The following NPC1 variants were observed in gnomAD, a reference collection of about 807,000 sequenced individuals.
NPC1 encodes Niemann-Pick C1 protein.
Under a neutral mutation model 140.4 loss-of-function variants are expected in NPC1, and 85 were observed. The observed-to-expected ratio is 0.61, with a 90% CI of 0.51 to 0.72. The LOEUF (loss-of-function observed/expected upper bound fraction) is 0.72, where lower values mean the gene tolerates loss of function less well. Ranked by LOEUF, NPC1 falls within the 30% of genes least tolerant of loss-of-function variation. The pLI is 0.00. For missense variants in NPC1, 1,504 were observed against 1,623.8 expected (o/e 0.93, Z 1.27); for synonymous variants, 656 against 624.8 (o/e 1.05, Z -0.74).
chr18:23,529,054 A>C, downstream of NPC1: 1 of 1,447,292 alleles, frequency 6.9e-7, no homozygotes. Context: ...GTATCTAAGT[A>C]GAGAAAGTGT....
downstream of NPC1, chr18:23,529,773 C>A: frequency 6.7e-7 from 1 of 1,491,628 alleles, no homozygotes; most frequent in South Asian, 1.1e-5. Flanking sequence ...AAAACACAGT[C>A]ACTGTCTTAG....
Position 23,540,467 on chromosome 18 carries a change from T to A in NPC1, c.2585A>T (p.Gln862Leu). ...VLNKVDIGLD[Q>L]SLSMPDDSYM... ...TCTTACATCTGGCATCGAAAGAGAC[T>A]GATCCAATCCAATATCTACTTTGTT... Residue 862 changes from glutamine (Q) to leucine (L), a missense_variant, in exon 17 of 25, where the codon CAG becomes CTG. Gln to Leu is a moderately radical substitution (Grantham distance 113). Coordinates refer to ENST00000269228, the MANE Select transcript of NPC1 (RefSeq NM_000271.5). The A allele has an allele frequency of 1.2e-6, 2 of 1,606,766 alleles. No individual in the cohort carries two copies. The highest frequency in any genetic ancestry group is 1.1e-5 in the South Asian group (1 of 90,852).
chr18:23,524,268 A>AAC, intron 1 of NPC1: 1 of 1,540,730 alleles, frequency 6.5e-7, no homozygotes, highest in Non-Finnish European at 8.9e-7. Flanking sequence ...AGCTGTGAAT[A>AAC]ACACTCCGAG....
At chr18:23,561,652 C>T in intron 4 of NPC1, 125 bp from the exon 5 acceptor site, 1 of 935,442 alleles carries the variant, frequency 1.1e-6, no homozygotes, top group Non-Finnish European at 1.7e-6. Context: ...GAATGCTGGA[C>T]AGCAAACACT....
At chr18:23,557,089 C>T in intron 7 of NPC1, 28 bp downstream of exon 7, 1 of 1,563,460 alleles carries the variant, frequency 6.4e-7, no homozygotes, top group Non-Finnish European at 8.8e-7. Flanking sequence ...TCATCTGAAC[C>T]CTTTTATTCA....
intron 10 of NPC1, among the ~76,000 whole-genome samples, chr18:23,548,592 A>C (rs2058822870): frequency 6.6e-6 from 1 of 152,088 alleles, no homozygotes; most frequent in Admixed American, 6.6e-5. Flanking sequence ...ACATTTTAAA[A>C]TTTTGTATCT....
intron 1 of NPC1, chr18:23,524,261 T>C (rs2058229042): frequency 1.3e-5 from 20 of 1,550,410 alleles, no homozygotes; most frequent in Non-Finnish European, 1.8e-5. Flanking sequence ...TCCGGGCAGC[T>C]GTGAATAACA....
chr18:23,542,743 T>C (rs574706481), intron 14 of NPC1, among the ~76,000 whole-genome samples: 1 of 152,328 alleles, frequency 6.6e-6, no homozygotes, highest in East Asian at 1.9e-4. Context: ...GGCAAACATC[T>C]TGTAAGCGAG....
chr18:23,519,211 G>A (rs994598278), downstream of NPC1: 6 of 1,579,210 alleles, frequency 3.8e-6, no homozygotes, highest in Non-Finnish European at 5.2e-6. Flanking sequence ...AGTTAAGGTT[G>A]CTTAAAAGCC....
chr18:23,548,782 C>CT (rs1397702645), intron 10 of NPC1, among the ~76,000 whole-genome samples: 2 of 151,772 alleles, frequency 1.3e-5, no homozygotes, highest in East Asian at 1.9e-4. Flanking sequence ...AATCTTTTTT[C>CT]TTTTTTTGGG....
downstream of NPC1, chr18:23,529,833 G>A: frequency 8.9e-7 from 1 of 1,119,164 alleles, no homozygotes; most frequent in Non-Finnish European, 1.3e-6. Context: ...TCAGAATGCT[G>A]AGTGACTCCT....
chr18:23,559,360 T>G (rs991103674), intron 6 of NPC1, among the ~76,000 whole-genome samples: 5 of 152,190 alleles, frequency 3.3e-5, no homozygotes, highest in Non-Finnish European at 7.3e-5. Context: ...TGCAACTTTT[T>G]GGTTAAGTCT....
At chr18:23,584,974 G>A (rs1186965812) in intron 1 of NPC1, among the ~76,000 whole-genome samples, 5 of 152,182 alleles carry the variant, frequency 3.3e-5, no homozygotes, top group African/African-American at 7.2e-5. Context: ...TTGAGGCCAG[G>A]AGTTCCAGGC....
At chr18:23,557,062 TC>T in intron 7 of NPC1, 54 bp downstream of exon 7, 1 of 1,429,286 alleles carries the variant, frequency 7.0e-7, no homozygotes, top group Non-Finnish European at 9.9e-7. Context: ...AAACGAATGC[TC>T]TCATGACAGA....
chr18:23,537,223 C>G (rs543572425), intron 20 of NPC1, among the ~76,000 whole-genome samples: 2 of 152,312 alleles, frequency 1.3e-5, no homozygotes, highest in South Asian at 4.1e-4. Flanking sequence ...GCACCTGCCA[C>G]CACGCTCAAC....
intron 20 of NPC1, among the ~76,000 whole-genome samples, chr18:23,538,311 CAG>C (rs903726691): frequency 3.3e-5 from 5 of 152,186 alleles, no homozygotes; most frequent in African/African-American, 1.2e-4. Context: ...GGCCAGGACA[CAG>C]AGAGAGCATG....
In NPC1 at chr18:23,531,766, C is replaced by G; in HGVS notation, c.*436G>C. 6.3e-7 allele frequency: 1 copy of G among 1,576,878 alleles called. No homozygotes were observed. The highest frequency in any genetic ancestry group is 1.4e-5 in the African/African-American group (1 of 72,934). ...AAGTTAATTTATTGCATTAATAAAG[C>G]TCTTTAAACTATAAAATGTTATAAA... On this transcript the variant is annotated 3_prime_UTR_variant, in exon 25 of 25. Transcript: ENST00000269228.
chr18:23,541,552 G>T, intron 14 of NPC1, 119 bp from the exon 15 acceptor site: 1 of 1,282,340 alleles, frequency 7.8e-7, no homozygotes, highest in Non-Finnish European at 1.1e-6. Flanking sequence ...CGCATGAGAA[G>T]GCATGCTGCG....
intron 21 of NPC1, 69 bp downstream of exon 21, chr18:23,536,604 A>G: frequency 7.2e-7 from 1 of 1,387,898 alleles, no homozygotes; most frequent in Non-Finnish European, 1.0e-6. Flanking sequence ...TGCCAAGGGA[A>G]CCCTCCCCAC....
Sources: gnomAD v4.1 joint callset for allele counts (sites outside exome capture counted in the v4.1 genomes callset) on GRCh38, gnomAD v4.1.1 for gene constraint, MANE v1.5 for transcripts, NCBI Gene and HGNC (gene_info 2026-07-23, HGNC 2026-07-21) for gene names.